UNKL: variants seen among roughly 807,000 people sequenced by gnomAD.
UNKL encodes the protein unk like zinc finger, also known as putative E3 ubiquitin-protein ligase UNKL.
A neutral mutation model predicts 78.0 loss-of-function variants in UNKL; 60 were observed. The ratio of observed to expected loss-of-function variants is 0.77; its 90% CI spans 0.63 to 0.95. The LOEUF (loss-of-function observed/expected upper bound fraction) is 0.95, where lower values mean the gene tolerates loss of function less well. UNKL is among the 40% of genes least tolerant of loss of function. UNKL has a pLI of 0.00. For synonymous variants in UNKL, 608 were observed against 474.8 expected, an observed-to-expected ratio of 1.28 and a Z score of -3.65; for missense variants, 1,159 against 1,045.7, an observed-to-expected ratio of 1.11 and a Z score of -1.49.
chr16:1,390,379 G>A (rs374083242), intron 9 of UNKL, among the ~76,000 whole-genome samples: 35 of 152,206 alleles, frequency 2.3e-4, no homozygotes, highest in East Asian at 1.9e-3. Context: ...TTATTTCCCC[G>A]AGCACGATGT....
chr16:1,390,518 C>A, intron 9 of UNKL, 114 bp downstream of exon 9: 1 of 1,149,128 alleles, frequency 8.7e-7, no homozygotes. Context: ...TGGGCGGGAC[C>A]AAGGATGCAT....
chr16:1,363,620 C>T lies in UNKL; in HGVS notation c.*2620G>A, dbSNP rs985209832. 5.7e-5 allele frequency: 11 copies of T among 194,250 alleles called. No individual in the cohort carries two copies. The highest frequency in any genetic ancestry group is 2.2e-4 in the Admixed American group (4 of 18,540). 12.0% of individuals were successfully genotyped at this position (194,250 alleles called of 1,614,324 possible). On this transcript the variant is annotated 3_prime_UTR_variant, in exon 15 of 15. Transcript: ENST00000389221. Reference sequence around the variant, plus strand: ...ATGGCCACAGGGGGGAGCTGCTGGGCGCGCCTCCACCTCAGCCTCCACGGG... The same window carrying T: ...ATGGCCACAGGGGGGAGCTGCTGGGTGCGCCTCCACCTCAGCCTCCACGGG...
intron 10 of UNKL, among the ~76,000 whole-genome samples, chr16:1,382,945 G>A (rs538617246): frequency 2.1e-4 from 30 of 145,094 alleles, no homozygotes; most frequent in African/African-American, 6.0e-4. Context: ...GTGACAGAGC[G>A]AGACTCTGTC....
rs1411659706 is a variant in UNKL, at chr16:1,365,620, TAATTGGA to T, written c.*613_*619del. The T allele has an allele frequency of 6.6e-6, 1 of 152,664 alleles. No individual in the cohort carries two copies. The allele number at this position is 152,664 out of a possible 1,614,324, so 9.5% of individuals were successfully genotyped here. ...TCTGCTTATAAATACTATTTGCACT[TAATTGGA>T]AAATGTAAAAATCCTAGGTCTTACT... On this transcript the variant is annotated 3_prime_UTR_variant, in exon 15 of 15. Coordinates refer to ENST00000389221, the MANE Select transcript of UNKL (RefSeq NM_001372107.1).
chr16:1,413,972 T>C lies in UNKL; in HGVS notation c.161A>G (p.His54Arg), dbSNP rs2038165465. 1 of 1,552,586 alleles carries C rather than the reference T, an allele frequency of 6.4e-7. No homozygotes were observed. The highest frequency in any genetic ancestry group is 8.7e-7 in the Non-Finnish European group (1 of 1,147,962). The change falls in exon 2 of 15, where the codon CAC becomes CGC. Residue 54 changes from histidine to arginine, a missense_variant. His to Arg is a conservative substitution (Grantham distance 29). Coordinates refer to ENST00000389221, the MANE Select transcript of UNKL (RefSeq NM_001372107.1). Reference protein sequence around the residue: ...CAQHRPFTCFHWHFLNQRRRR... With the variant: ...CAQHRPFTCFRWHFLNQRRRR... Reference sequence around the variant, plus strand: ...GCGCCGCTGGTTGAGGAAGTGCCAGTGGAAGCAGGTGAACGGCCGGTGCTG... The same window carrying C: ...GCGCCGCTGGTTGAGGAAGTGCCAGCGGAAGCAGGTGAACGGCCGGTGCTG...
In UNKL at chr16:1,394,479, C is replaced by T. The variant is rs1419851345; in HGVS notation, c.853-264G>A. The T allele has an allele frequency of 6.2e-6, 4 of 647,198 alleles. No homozygotes were observed. In the Admixed American group the frequency reaches 8.3e-5, roughly 13 times the overall value. 40.1% of individuals were successfully genotyped at this position (647,198 alleles called of 1,614,324 possible). ...CCTCCCATCACAGGCAAAGTCATTT[C>T]CCCGCTTGATATTTTCTGAAAGATG... On this transcript the variant is annotated intron_variant, in intron 6 of 14. Transcript: ENST00000389221.
In UNKL at chr16:1,399,657, CTGA is replaced by C; in HGVS notation, c.599-151_599-149del. ...GCGCAGACACACGCCACGGCACACG[CTGA>C]TGTCAAAGGACTCGCGCTCCATGAG... On this transcript the variant is annotated intron_variant, in intron 4 of 14. Transcript: ENST00000389221. The surrounding 1 kb of genome is among the most constrained non-coding windows in gnomAD (Gnocchi z 5.8). The C allele has an allele frequency of 8.2e-7, 1 of 1,220,232 alleles. No individual in the cohort carries two copies. Among genetic ancestry groups the C allele is most frequent in the East Asian group, 2.6e-5 (1 of 38,130 alleles). The allele number at this position is 1,220,232 out of a possible 1,614,324, so 75.6% of individuals were successfully genotyped here. A position where few individuals can be genotyped will look rare whatever the true frequency, so the allele number is the denominator to read the frequency against.
rs371144949 is a variant in UNKL, at chr16:1,401,533, C to G, written c.598+35G>C. 923 of 1,487,166 alleles carry G rather than the reference C, an allele frequency of 6.2e-4. 8 individuals are homozygous for G. The African/African-American group carries it at 7.0e-3, about 11-fold the overall frequency. The allele number at this position is 1,487,166 out of a possible 1,614,324, so 92.1% of individuals were successfully genotyped here. ...CTGTTCTCGCGCTGTGCCCGCCCCC[C>G]CCACCACCGCCCTCAGCTGCGGCCG... is the stretch of plus-strand genomic sequence containing the variant. On this transcript the variant is annotated intron_variant, in intron 4 of 14. Transcript: ENST00000389221.
In UNKL at chr16:1,364,244, C is replaced by T. The variant is rs955835798; in HGVS notation, c.*1996G>A. 6.6e-6 allele frequency: 1 copy of T among 152,214 alleles called. No homozygotes were observed. The highest frequency in any genetic ancestry group is 1.5e-5 in the Non-Finnish European group (1 of 68,042). The allele number at this position is 152,214 out of a possible 1,614,324, so 9.4% of individuals were successfully genotyped here. ...GTAGTGGACTAGCTGCAGAATGTCA[C>T]GGACCCACTTCCTTTAAAACAACAG... On this transcript the variant is annotated 3_prime_UTR_variant, in exon 15 of 15. Coordinates refer to ENST00000389221, the MANE Select transcript of UNKL (RefSeq NM_001372107.1).
chr16:1,381,301 G>T (rs892981063), intron 10 of UNKL, among the ~76,000 whole-genome samples: 2 of 152,224 alleles, frequency 1.3e-5, no homozygotes, highest in South Asian at 2.1e-4. Context: ...TATTTAAAAA[G>T]AATGTGTGCT....
At chr16:1,402,853 G>A (rs996230762) in intron 3 of UNKL, among the ~76,000 whole-genome samples, 5 of 150,130 alleles carry the variant, frequency 3.3e-5, no homozygotes, top group African/African-American at 4.9e-5. Flanking sequence ...TTAGCTGGGC[G>A]TGGTGGTGGT....
intron 10 of UNKL, among the ~76,000 whole-genome samples, chr16:1,372,243 G>A (rs567482424): frequency 3.9e-5 from 6 of 152,042 alleles, no homozygotes; most frequent in South Asian, 4.2e-4. Context: ...CAGCCTGGAC[G>A]ACAGAGCAAG....
At chr16:1,412,784 G>A (rs778102256) in intron 2 of UNKL, among the ~76,000 whole-genome samples, 35 of 152,184 alleles carry the variant, frequency 2.3e-4, no homozygotes, top group East Asian at 7.7e-4. Flanking sequence ...CTGGCCGGGC[G>A]CAGTGGATCA....
chr16:1,378,565 C>T (rs781025048), intron 10 of UNKL, among the ~76,000 whole-genome samples: 20 of 152,206 alleles, frequency 1.3e-4, no homozygotes, highest in Non-Finnish European at 2.1e-4. Context: ...CTGCAGAGTG[C>T]GCAGCATGTG....
chr16:1,380,768 C>T (rs535336363), intron 10 of UNKL, among the ~76,000 whole-genome samples: 5 of 151,150 alleles, frequency 3.3e-5, no homozygotes, highest in African/African-American at 1.2e-4. Context: ...TCCGCCTTTG[C>T]GGTCCAAGCA....
chr16:1,382,442 T>C (rs2036637102), intron 10 of UNKL, among the ~76,000 whole-genome samples: 1 of 152,156 alleles, frequency 6.6e-6, no homozygotes, highest in Non-Finnish European at 1.5e-5. Context: ...CAAACACTGC[T>C]TGCGCCTGTG....
intron 2 of UNKL, among the ~76,000 whole-genome samples, chr16:1,404,167 C>T (rs568721358): frequency 6.2e-4 from 94 of 152,326 alleles, no homozygotes; most frequent in African/African-American, 2.1e-3. Flanking sequence ...TGGTGTCGAG[C>T]CCTGGCTGGT....
At chr16:1,386,580 T>C (rs941020858) in intron 9 of UNKL, among the ~76,000 whole-genome samples, 3 of 152,120 alleles carry the variant, frequency 2.0e-5, no homozygotes, top group Non-Finnish European at 2.9e-5. Flanking sequence ...TCCTGAAATA[T>C]TACAATTCAA....
intron 3 of UNKL, 67 bp from the exon 4 acceptor site, chr16:1,401,768 T>C (rs980286315): frequency 1.2e-5 from 18 of 1,541,160 alleles, no homozygotes; most frequent in Non-Finnish European, 1.6e-5. Flanking sequence ...ACGAGGTCAC[T>C]GGAGGGCACG....
Sources: allele counts gnomAD v4.1 joint callset (sites outside exome capture counted in the v4.1 genomes callset), GRCh38; gene constraint gnomAD v4.1.1; non-coding constraint Gnocchi (gnomAD v3.1); transcripts MANE v1.5; gene names NCBI Gene and HGNC (gene_info 2026-07-23, HGNC 2026-07-21).